ADAMTSL1: variants seen among roughly 807,000 people sequenced by gnomAD.
ADAMTSL1 encodes the protein ADAMTS like 1.
In ADAMTSL1, 126 loss-of-function variants were observed where a neutral mutation model predicts 201.8. The ratio of observed to expected loss-of-function variants is 0.62; its 90% CI spans 0.54 to 0.72. The LOEUF is 0.72. ADAMTSL1 is among the 30% of genes least tolerant of loss of function. The pLI, the probability that ADAMTSL1 is intolerant of heterozygous loss-of-function variation, is 0.00. For missense variants in ADAMTSL1, 2,679 were observed against 2,277.8 expected, an observed-to-expected ratio of 1.18 and a Z score of -3.59; for synonymous variants, 1,121 against 903.4, an observed-to-expected ratio of 1.24 and a Z score of -4.32.
chr9:18,089,221 C>T (rs758143222), intron 1 of ADAMTSL1, among the ~76,000 whole-genome samples: 11 of 152,018 alleles, frequency 7.2e-5, no homozygotes, highest in Non-Finnish European at 1.0e-4. Flanking sequence ...ATGATGCTGG[C>T]CTCATAAATG....
At chr9:17,990,506 T>G (rs1201606309) in intron 1 of ADAMTSL1, among the ~76,000 whole-genome samples, 4 of 152,094 alleles carry the variant, frequency 2.6e-5, no homozygotes, top group Admixed American at 1.3e-4. Flanking sequence ...CTGAGATTTT[T>G]TTTCACCTTT....
chr9:18,182,129 G>C (rs551858280), intron 2 of ADAMTSL1, among the ~76,000 whole-genome samples: 1 of 147,798 alleles, frequency 6.8e-6, no homozygotes, highest in East Asian at 2.0e-4. Context: ...CACACTCTGG[G>C]GCCTGTTGTG....
intron 23 of ADAMTSL1, among the ~76,000 whole-genome samples, chr9:18,855,914 A>G (rs1588244967): frequency 6.6e-6 from 1 of 152,364 alleles, no homozygotes; most frequent in East Asian, 1.9e-4. Flanking sequence ...CAGCTTCCTG[A>G]GCCCAGAAAA....
At chr9:18,681,569 A>C in intron 11 of ADAMTSL1, 1 of 271,452 alleles carries the variant, frequency 3.7e-6, no homozygotes. Flanking sequence ...AAGATTGCTG[A>C]CTGATTAATC....
At chr9:18,757,299 A>ATCCTCCTCCTCCTCC (rs141290322) in intron 16 of ADAMTSL1, among the ~76,000 whole-genome samples, 1 of 150,916 alleles carries the variant, frequency 6.6e-6, no homozygotes, top group Non-Finnish European at 1.5e-5. Context: ...ACTCATCATC[A>ATCCTCCTCCTCCTCC]TCCTCCTCCT....
chr9:17,969,718 A>G (rs1818130491), intron 1 of ADAMTSL1, among the ~76,000 whole-genome samples: 2 of 152,080 alleles, frequency 1.3e-5, no homozygotes, highest in Non-Finnish European at 2.9e-5. Context: ...ATTTTTAGAA[A>G]GTGTTCTTAG....
intron 2 of ADAMTSL1, among the ~76,000 whole-genome samples, chr9:18,179,526 C>T (rs191026788): frequency 6.6e-6 from 1 of 152,130 alleles, no homozygotes; most frequent in Admixed American, 6.5e-5. Flanking sequence ...ATACAGAGAA[C>T]ACCACAAAGA....
chr9:17,974,801 C>T (rs1210708731), intron 1 of ADAMTSL1, among the ~76,000 whole-genome samples: 2 of 152,022 alleles, frequency 1.3e-5, no homozygotes, highest in Admixed American at 6.6e-5. Flanking sequence ...TAGGTTGTTT[C>T]CATATGTTGG....
chr9:17,961,284 T>C (rs970919291), intron 1 of ADAMTSL1, among the ~76,000 whole-genome samples: 3 of 152,118 alleles, frequency 2.0e-5, no homozygotes, highest in Non-Finnish European at 2.9e-5. Flanking sequence ...GTTTTGCTCT[T>C]GTTGCCCAGG....
At chr9:17,966,420 C>T (rs1013568817) in intron 1 of ADAMTSL1, among the ~76,000 whole-genome samples, 2 of 152,154 alleles carry the variant, frequency 1.3e-5, no homozygotes, top group Admixed American at 6.6e-5. Flanking sequence ...CTTTGCTACG[C>T]ACTCAGAAGC....
intron 1 of ADAMTSL1, among the ~76,000 whole-genome samples, chr9:17,931,980 T>C (rs1338942288): frequency 6.6e-6 from 1 of 152,204 alleles, no homozygotes; most frequent in Non-Finnish European, 1.5e-5. Flanking sequence ...GTAGAGGCTG[T>C]GTGGAAATGG....
chr9:18,906,973 C>T (rs748740331), intron 28 of ADAMTSL1, 61 bp downstream of exon 28: 6 of 1,587,200 alleles, frequency 3.8e-6, no homozygotes, highest in Middle Eastern at 3.3e-4. Context: ...GTGCAGAGAG[C>T]AGTCCCTGGG....
At chr9:17,991,088 G>A (rs879325979) in intron 1 of ADAMTSL1, among the ~76,000 whole-genome samples, 5 of 152,260 alleles carry the variant, frequency 3.3e-5, no homozygotes, top group Admixed American at 2.0e-4. Context: ...GGCAGAGGAT[G>A]TATGGAATTC....
intron 2 of ADAMTSL1, among the ~76,000 whole-genome samples, chr9:18,349,980 G>A (rs1835893133): frequency 2.0e-5 from 3 of 151,206 alleles, no homozygotes; most frequent in Non-Finnish European, 2.9e-5. Context: ...GACCTCCAAA[G>A]ACAAAGATAC....
intron 1 of ADAMTSL1, among the ~76,000 whole-genome samples, chr9:18,024,537 T>A (rs1328928101): frequency 2.0e-5 from 3 of 152,148 alleles, no homozygotes; most frequent in African/African-American, 7.2e-5. Flanking sequence ...TGTTTCTGAG[T>A]TAATTTGCTT....
At chr9:18,287,500 A>G (rs1044923288) in intron 2 of ADAMTSL1, among the ~76,000 whole-genome samples, 6 of 151,630 alleles carry the variant, frequency 4.0e-5, no homozygotes, top group East Asian at 1.9e-4. Flanking sequence ...GCATGTATTT[A>G]TATGTGCACA....
At chr9:18,622,917 T>C (rs117206235) in intron 5 of ADAMTSL1, among the ~76,000 whole-genome samples, 1 of 152,178 alleles carries the variant, frequency 6.6e-6, no homozygotes, top group African/African-American at 2.4e-5. Flanking sequence ...TGTTTTTGAC[T>C]GAGTCTCTCA....
intron 1 of ADAMTSL1, among the ~76,000 whole-genome samples, chr9:17,950,387 C>T (rs1025868617): frequency 6.6e-6 from 1 of 151,832 alleles, no homozygotes; most frequent in East Asian, 1.9e-4. Flanking sequence ...GTAGGGAAGT[C>T]CTCTTTGAAC....
At chr9:18,675,661 C>T (rs1830092859) in intron 9 of ADAMTSL1, among the ~76,000 whole-genome samples, 196 bp from the exon 10 acceptor site, 1 of 152,036 alleles carries the variant, frequency 6.6e-6, no homozygotes, top group African/African-American at 2.4e-5. Context: ...GTAAATGGTG[C>T]CCTTTCAAAG....
Sources: allele counts gnomAD v4.1 joint callset (sites outside exome capture counted in the v4.1 genomes callset), GRCh38; gene constraint gnomAD v4.1.1; transcripts MANE v1.5; gene names NCBI Gene and HGNC (gene_info 2026-07-23, HGNC 2026-07-21).